The following BACE2 variants were observed in gnomAD, a reference collection of about 807,000 sequenced individuals.
BACE2 encodes beta-secretase 2, also known as 56 kDa aspartic-like protease.
A neutral mutation model predicts 46.2 loss-of-function variants in BACE2; 17 were observed. The observed-to-expected ratio is 0.37, with a 90% CI of 0.25 to 0.55. BACE2 has a LOEUF of 0.55. Ranked by LOEUF, BACE2 falls within the 20% of genes least tolerant of loss-of-function variation. BACE2 has a pLI of 0.82. For missense variants in BACE2, 595 were observed against 698.1 expected (o/e 0.85, Z 1.66); for synonymous variants, 277 against 295.9 (o/e 0.94, Z 0.66).
chr21:41,192,741 A>G (rs2123515523), intron 1 of BACE2, among the ~76,000 whole-genome samples: 1 of 152,352 alleles, frequency 6.6e-6, no homozygotes, highest in African/African-American at 2.4e-5. Context: ...GACCTGTTGC[A>G]GAGCCTTCTC....
At chr21:41,220,061 G>A (rs1179911955) in intron 1 of BACE2, among the ~76,000 whole-genome samples, 1 of 152,116 alleles carries the variant, frequency 6.6e-6, no homozygotes, top group Non-Finnish European at 1.5e-5. Flanking sequence ...AAGATTTCCA[G>A]GATCCTATCC....
intron 1 of BACE2, chr21:41,176,859 A>C (rs1984867541): frequency 6.6e-6 from 1 of 152,266 alleles, no homozygotes; most frequent in South Asian, 2.1e-4. Context: ...AAAGACATAC[A>C]AAATACAAGT....
Position 41,218,035 on chromosome 21 carries a change from C to G in BACE2, c.313-8231C>G, listed in dbSNP as rs191654564. On this transcript the variant is annotated intron_variant, in intron 1 of 8. Transcript: ENST00000330333. The stretch of plus-strand genomic sequence containing the variant: ...TAAATGTATATTATCTCATGCCAAC[C>G]AGTTTGTGGCTGTTTGTTAAGGCAG... 5.7e-3 allele frequency among the ~76,000 whole-genome samples: 868 copies of G among 152,338 alleles called. 12 individuals are homozygous for G. The highest frequency in any genetic ancestry group is 0.02 in the African/African-American group (828 of 41,578).
Position 41,204,430 on chromosome 21 carries a change from T to C in BACE2, c.313-21836T>C, listed in dbSNP as rs914859409. ...ATCCTGGGAGAGGGGGAAAAACTGA[T>C]GATGCAGAAGAAAGGGAATTAGGGG... On this transcript the variant is annotated intron_variant, in intron 1 of 8. Transcript: ENST00000330333. Among the ~76,000 whole-genome samples, 5 of 152,074 alleles carry C rather than the reference T, an allele frequency of 3.3e-5. No individual in the cohort carries two copies. In the East Asian group the frequency reaches 5.8e-4, roughly 18 times the overall value.
At chr21:41,258,546 A>C (rs1987849525) in intron 8 of BACE2, among the ~76,000 whole-genome samples, 2 of 152,238 alleles carry the variant, frequency 1.3e-5, no homozygotes, top group South Asian at 4.1e-4. Flanking sequence ...TACCTAAAAC[A>C]TGGTCTTAAA....
At chr21:41,211,328 G>A (rs1986297195) in intron 1 of BACE2, among the ~76,000 whole-genome samples, 1 of 152,026 alleles carries the variant, frequency 6.6e-6, no homozygotes, top group Non-Finnish European at 1.5e-5. Flanking sequence ...TGCACACACA[G>A]CCAGAATAAA....
chr21:41,198,299 A>G (rs1297765756), intron 1 of BACE2, among the ~76,000 whole-genome samples: 1 of 152,124 alleles, frequency 6.6e-6, no homozygotes, highest in African/African-American at 2.4e-5. Flanking sequence ...CCCCCAAAAT[A>G]TATATTTTTT....
intron 5 of BACE2, among the ~76,000 whole-genome samples, chr21:41,245,339 C>T (rs1325953232): frequency 6.6e-6 from 1 of 152,214 alleles, no homozygotes; most frequent in Non-Finnish European, 1.5e-5. Context: ...CAGCTGTGCC[C>T]GTAGTGGTTG....
chr21:41,224,658 C>T (rs981730307), intron 1 of BACE2, among the ~76,000 whole-genome samples: 1 of 152,198 alleles, frequency 6.6e-6, no homozygotes. Context: ...AACATACACA[C>T]CTGCCCTGAG....
intron 1 of BACE2, 74 bp downstream of exon 1, chr21:41,168,649 C>G: frequency 8.6e-7 from 1 of 1,157,198 alleles, no homozygotes; most frequent in Non-Finnish European, 1.1e-6. Flanking sequence ...GACGCCTCCA[C>G]GCGGCTTAGC....
chr21:41,182,263 CA>C, intron 1 of BACE2: 1 of 167,220 alleles, frequency 6.0e-6, no homozygotes, highest in East Asian at 1.9e-4. Flanking sequence ...TCATAAGAAA[CA>C]GGTTTAGTCC....
At chr21:41,246,171 T>C in intron 6 of BACE2, 108 bp downstream of exon 6, 1 of 670,976 alleles carries the variant, frequency 1.5e-6, no homozygotes, top group Non-Finnish European at 2.4e-6. Flanking sequence ...GCCATGTATT[T>C]CCAATTTTCA....
chr21:41,204,745 A>C (rs1986072073), intron 1 of BACE2, among the ~76,000 whole-genome samples: 1 of 152,202 alleles, frequency 6.6e-6, no homozygotes. Flanking sequence ...TGGCCATAGA[A>C]GCCAAAGAGG....
At position 41,172,663 on chromosome 21, in the gene BACE2, G is replaced by A. The variant is rs1175934939; in HGVS notation, c.312+4088G>A. Among the ~76,000 whole-genome samples the A allele has an allele frequency of 5.9e-5, 9 of 152,122 alleles. No homozygotes were observed. In the East Asian group the frequency reaches 1.7e-3, roughly 29 times the overall value. On this transcript the variant is annotated intron_variant, in intron 1 of 8. Coordinates refer to ENST00000330333, the MANE Select transcript of BACE2 (RefSeq NM_012105.5). Reference sequence around the variant, plus strand: ...ATCTTCATGCTTCTGGAGATGATGTGGTTTGACAGGAAGCATCCTGATGTG... The same window carrying A: ...ATCTTCATGCTTCTGGAGATGATGTAGTTTGACAGGAAGCATCCTGATGTG...
chr21:41,219,838 C>G (rs371237300), intron 1 of BACE2, among the ~76,000 whole-genome samples: 2 of 152,196 alleles, frequency 1.3e-5, no homozygotes, highest in Non-Finnish European at 2.9e-5. Flanking sequence ...ACCAAATGTG[C>G]GGGGATTTCT....
At chr21:41,245,477 G>T (rs1162789741) in intron 5 of BACE2, among the ~76,000 whole-genome samples, 1 of 152,248 alleles carries the variant, frequency 6.6e-6, no homozygotes, top group Non-Finnish European at 1.5e-5. Context: ...TGTGGCCCTG[G>T]TTCTGTTCCC....
chr21:41,243,921 T>C (rs963092680), intron 5 of BACE2, among the ~76,000 whole-genome samples: 2 of 150,564 alleles, frequency 1.3e-5, no homozygotes, highest in African/African-American at 5.0e-5. Flanking sequence ...TCAGCTTTTA[T>C]CCTCCATTCA....
intron 8 of BACE2, among the ~76,000 whole-genome samples, chr21:41,261,595 A>G (rs1381753158): frequency 2.0e-5 from 3 of 151,986 alleles, no homozygotes; most frequent in African/African-American, 7.2e-5. Flanking sequence ...ATTTACCAGT[A>G]TTTCTCTCAT....
At chr21:41,245,891 C>A in intron 5 of BACE2, 71 bp from the exon 6 acceptor site, 4 of 1,177,072 alleles carry the variant, frequency 3.4e-6, no homozygotes, top group Non-Finnish European at 3.6e-6. Flanking sequence ...ATGGTGATGG[C>A]GGCTAGAGCC....
Sources: allele counts gnomAD v4.1 joint callset (sites outside exome capture counted in the v4.1 genomes callset), GRCh38; gene constraint gnomAD v4.1.1; transcripts MANE v1.5; gene names NCBI Gene and HGNC (gene_info 2026-07-23, HGNC 2026-07-21).